Variants in AK5 observed in about 807,000 individuals in gnomAD.
AK5 encodes adenylate kinase 5, also known as adenylate kinase isoenzyme 5.
A neutral mutation model predicts 69.5 loss-of-function variants in AK5; 27 were observed. The ratio of observed to expected loss-of-function variants is 0.39; its 90% confidence interval spans 0.29 to 0.54. The LOEUF is 0.54. Among genes scored for constraint, AK5 ranks in the 20% least tolerant of loss-of-function variants. AK5 has a pLI of 0.71. For synonymous variants in AK5, 260 were observed against 244.4 expected, an observed-to-expected ratio of 1.06 and a Z score of -0.60; for missense variants, 531 against 700.4, an observed-to-expected ratio of 0.76 and a Z score of 2.73.
At chr1:77,325,858 A>G (rs2100338922) in intron 5 of AK5, among the ~76,000 whole-genome samples, 1 of 152,164 alleles carries the variant, frequency 6.6e-6, no homozygotes. Context: ...TGGTTTTAGA[A>G]CCATACTTGT....
intron 12 of AK5, among the ~76,000 whole-genome samples, chr1:77,532,587 T>TA (rs1658710478): frequency 6.6e-6 from 1 of 152,206 alleles, no homozygotes; most frequent in Admixed American, 6.5e-5. Flanking sequence ...AAAGTGGGAA[T>TA]AATCATACTT....
chr1:77,366,686 T>C (rs1324742140), intron 6 of AK5, among the ~76,000 whole-genome samples: 1 of 152,212 alleles, frequency 6.6e-6, no homozygotes, highest in Non-Finnish European at 1.5e-5. Context: ...GATGAATGTG[T>C]GAACATGAAC....
chr1:77,538,273 A>G (rs555686682), intron 13 of AK5, among the ~76,000 whole-genome samples: 199 of 151,822 alleles, frequency 1.3e-3, no homozygotes, highest in African/African-American at 4.3e-3. Context: ...TGGGAGGTCA[A>G]GGCTGCAGTT....
intron 5 of AK5, among the ~76,000 whole-genome samples, chr1:77,335,769 A>T (rs1044286558): frequency 7.9e-5 from 12 of 152,062 alleles, no homozygotes; most frequent in Non-Finnish European, 4.4e-5. Flanking sequence ...TTGTATTTTA[A>T]TCTTTTTTAC....
intron 8 of AK5, among the ~76,000 whole-genome samples, chr1:77,436,477 A>C (rs1419519528): frequency 1.3e-5 from 2 of 151,814 alleles, no homozygotes; most frequent in African/African-American, 4.8e-5. Context: ...GTTTCCTCAT[A>C]ATTTTAATGT....
chr1:77,490,965 T>C (rs1050007689), intron 10 of AK5, among the ~76,000 whole-genome samples: 1 of 152,116 alleles, frequency 6.6e-6, no homozygotes, highest in Non-Finnish European at 1.5e-5. Context: ...CACATCTGAC[T>C]TTTCAGGTGA....
chr1:77,467,655 C>T (rs990427923), intron 8 of AK5, among the ~76,000 whole-genome samples: 4 of 152,062 alleles, frequency 2.6e-5, no homozygotes, highest in Non-Finnish European at 5.9e-5. Context: ...TTTAATTCTT[C>T]GATTTTAGTA....
At chr1:77,416,903 C>G (rs1481040759) in intron 7 of AK5, among the ~76,000 whole-genome samples, 4 of 152,044 alleles carry the variant, frequency 2.6e-5, no homozygotes, top group African/African-American at 9.7e-5. Flanking sequence ...TATATATTTC[C>G]TAGCAGGAAA....
rs557421177 is a variant in AK5, at chr1:77,557,400, G to C, written c.1621-1202G>C. ...TCATGGAAGTTGATGCATACCACCA[G>C]CATTTCCCTGGCCTCCCAGGTGCTT... On this transcript the variant is annotated intron_variant, in intron 13 of 13. Transcript: ENST00000354567. 29 of 186,684 alleles carry C rather than the reference G, an allele frequency of 1.6e-4. 1 individual carries two copies. In the South Asian group the frequency reaches 3.5e-3, roughly 22 times the overall value. The allele number at this position is 186,684 out of a possible 1,614,324, so 11.6% of individuals were successfully genotyped here.
chr1:77,470,165 T>C (rs1262016360), intron 8 of AK5, among the ~76,000 whole-genome samples: 2 of 152,292 alleles, frequency 1.3e-5, no homozygotes, highest in Non-Finnish European at 2.9e-5. Context: ...AATAATGAGA[T>C]AGCTACAAAA....
At chr1:77,500,292 C>T (rs753442580) in intron 10 of AK5, among the ~76,000 whole-genome samples, 1 of 152,110 alleles carries the variant, frequency 6.6e-6, no homozygotes, top group Non-Finnish European at 1.5e-5. Context: ...GTAAATTTGG[C>T]TTAGTAAAGT....
intron 10 of AK5, among the ~76,000 whole-genome samples, chr1:77,502,952 G>A (rs1656809390): frequency 6.6e-6 from 1 of 152,310 alleles, no homozygotes; most frequent in South Asian, 2.1e-4. Context: ...TTGAGCCCTA[G>A]TAGAAGACGC....
At position 77,504,151 on chromosome 1, in the gene AK5, A is replaced by G. The variant is rs559762442; in HGVS notation, c.1148-14413A>G. On this transcript the variant is annotated intron_variant, in intron 10 of 13. Coordinates refer to ENST00000354567, the MANE Select transcript of AK5 (RefSeq NM_174858.3). ...CCCCAGTCCTTACACTGCCTAGCGC[A>G]TGTGGATTCCTCACATTTTCTTGTG... is the stretch of plus-strand genomic sequence containing the variant. 6.6e-5 allele frequency among the ~76,000 whole-genome samples: 10 copies of G among 152,314 alleles called. No homozygotes were observed. In the South Asian group the frequency reaches 2.1e-3, roughly 32 times the overall value.
intron 3 of AK5, among the ~76,000 whole-genome samples, chr1:77,294,697 A>T (rs758974573): frequency 3.9e-5 from 6 of 152,144 alleles, no homozygotes; most frequent in African/African-American, 1.4e-4. Flanking sequence ...GCCACTATGA[A>T]TCTTATGTTA....
rs1250438378 is a variant in AK5 at position 77,367,901 on chromosome 1, T to A, written c.891+27333T>A. Among the ~76,000 whole-genome samples, 31 of 3,270 alleles carry A rather than the reference T, an allele frequency of 9.5e-3. 7 individuals are homozygous for A. The highest frequency in any genetic ancestry group is 0.03 in the South Asian group (2 of 66). 2.1% of individuals were successfully genotyped at this position (3,270 alleles called of 152,430 possible). On this transcript the variant is annotated intron_variant, in intron 6 of 13. Transcript: ENST00000354567. ...TAATATAAAATATATGTGATATATA[T>A]TATATATAAAATATATGTGATATAT...
chr1:77,499,626 G>C (rs541082926), intron 10 of AK5, among the ~76,000 whole-genome samples: 6 of 152,154 alleles, frequency 3.9e-5, no homozygotes, highest in Non-Finnish European at 7.3e-5. Context: ...GAAGTCCTCA[G>C]CATGGTCTGG....
chr1:77,329,761 G>A (rs959393351), intron 5 of AK5, among the ~76,000 whole-genome samples: 2 of 152,172 alleles, frequency 1.3e-5, no homozygotes, highest in African/African-American at 2.4e-5. Context: ...TGGGACCAAA[G>A]CTGACCAAAG....
At chr1:77,490,139 G>T (rs1485068598) in intron 10 of AK5, among the ~76,000 whole-genome samples, 3 of 152,158 alleles carry the variant, frequency 2.0e-5, no homozygotes, top group South Asian at 2.1e-4. Flanking sequence ...AACCAAAATT[G>T]CAATTGGAAT....
chr1:77,433,362 A>G (rs1651765014), intron 8 of AK5, among the ~76,000 whole-genome samples: 1 of 152,200 alleles, frequency 6.6e-6, no homozygotes, highest in Admixed American at 6.5e-5. Context: ...GTTTTATCAA[A>G]TTTTGCCAGC....
Sources: gnomAD v4.1 joint callset for allele counts (sites outside exome capture counted in the v4.1 genomes callset) on GRCh38, gnomAD v4.1.1 for gene constraint, MANE v1.5 for transcripts, NCBI Gene and HGNC (gene_info 2026-07-23, HGNC 2026-07-21) for gene names.